Variants in TRIO observed in about 807,000 individuals in gnomAD.
TRIO encodes the protein triple functional domain protein.
Under a neutral mutation model 351.9 loss-of-function variants are expected in TRIO, and 58 were observed. The ratio of observed to expected loss-of-function variants is 0.16; its 90% CI spans 0.13 to 0.21. The LOEUF is 0.21. Among genes scored for constraint, TRIO ranks in the 10% least tolerant of loss-of-function variants. The pLI is 1.00. For missense variants in TRIO, 3,201 were observed against 4,027.8 expected (o/e 0.79, Z 5.56); for synonymous variants, 1,758 against 1,595.7 (o/e 1.10, Z -2.42).
At chr5:14,452,792 A>G (rs1380031132) in intron 34 of TRIO, among the ~76,000 whole-genome samples, 1 of 152,216 alleles carries the variant, frequency 6.6e-6, no homozygotes, top group Admixed American at 6.5e-5. Context: ...AGTCTTTAAG[A>G]CTTTTTTACC....
intron 20 of TRIO, 128 bp downstream of exon 20, chr5:14,378,255 C>G: frequency 1.6e-6 from 1 of 628,470 alleles, no homozygotes; most frequent in African/African-American, 1.8e-5. Flanking sequence ...GTATAGCCTT[C>G]TAGTTAAGTT....
At chr5:14,341,856 T>A (rs187342205) in intron 11 of TRIO, among the ~76,000 whole-genome samples, 37 of 152,372 alleles carry the variant, frequency 2.4e-4, no homozygotes, top group African/African-American at 8.2e-4. Flanking sequence ...CTGTGATTCT[T>A]GCTGCGTTTA....
chr5:14,275,866 G>GTATA (rs56388390), intron 2 of TRIO, among the ~76,000 whole-genome samples: 37,948 of 143,702 alleles, frequency 0.26, 5,665 homozygotes, highest in East Asian at 0.48. Context: ...CTCTATGTGT[G>GTATA]TATATATATA....
intron 13 of TRIO, among the ~76,000 whole-genome samples, chr5:14,360,836 A>G (rs1473904408): frequency 1.3e-5 from 2 of 152,244 alleles, no homozygotes; most frequent in African/African-American, 2.4e-5. Context: ...GGCTCTGCTC[A>G]TTCTCATCAT....
In TRIO at chr5:14,508,476, T is replaced by G; in HGVS notation, c.*54T>G. ...TTCACCTGCCAATCAGCTGTTAATC[T>G]GAATTTTCAAGAGAAAACAAGCAAA... On this transcript the variant is annotated 3_prime_UTR_variant, in exon 57 of 57. Coordinates refer to ENST00000344204, the MANE Select transcript of TRIO (RefSeq NM_007118.4). The G allele has an allele frequency of 1.3e-6, 2 of 1,529,758 alleles. No individual in the cohort carries two copies. Among genetic ancestry groups the G allele is most frequent in the African/African-American group, 1.4e-5 (1 of 72,122 alleles). The allele number at this position is 1,529,758 out of a possible 1,614,324, so 94.8% of individuals were successfully genotyped here. A position where few individuals can be genotyped will look rare whatever the true frequency, so the allele number is the denominator to read the frequency against.
intron 1 of TRIO, among the ~76,000 whole-genome samples, chr5:14,219,496 C>G (rs1272356730): frequency 1.3e-5 from 2 of 152,242 alleles, no homozygotes; most frequent in East Asian, 1.9e-4. Flanking sequence ...ATGGCTCTAT[C>G]AAAGCCTTAG....
chr5:14,374,675 T>A (rs893435484), intron 19 of TRIO, among the ~76,000 whole-genome samples: 6 of 152,164 alleles, frequency 3.9e-5, no homozygotes, highest in African/African-American at 1.4e-4. Context: ...AAACCAGAGT[T>A]ATCTATAGGC....
chr5:14,380,909 T>C (rs1193900686), intron 20 of TRIO, among the ~76,000 whole-genome samples: 1 of 152,256 alleles, frequency 6.6e-6, no homozygotes, highest in Non-Finnish European at 1.5e-5. Flanking sequence ...TGTTGCGACA[T>C]AAGTGATACT....
At chr5:14,424,160 G>T (rs1481359180) in intron 34 of TRIO, among the ~76,000 whole-genome samples, 1 of 152,078 alleles carries the variant, frequency 6.6e-6, no homozygotes, top group Non-Finnish European at 1.5e-5. Flanking sequence ...GGCCTGAGAT[G>T]GGGCGGGCGC....
chr5:14,326,579 T>C (rs1375601775), intron 9 of TRIO, among the ~76,000 whole-genome samples: 2 of 152,008 alleles, frequency 1.3e-5, no homozygotes, highest in South Asian at 4.2e-4. Context: ...AGAGTAGCCG[T>C]GGGAAGGGAT....
At chr5:14,298,146 CTGACTTTGGCTTCATTTGT>C (rs1339809251) in intron 7 of TRIO, among the ~76,000 whole-genome samples, 1 of 152,138 alleles carries the variant, frequency 6.6e-6, no homozygotes, top group Non-Finnish European at 1.5e-5. Flanking sequence ...TACATGGCAT[CTGACTTTGGCTTCATTTGT>C]TGACAGATGT....
intron 47 of TRIO, 35 bp from the exon 48 acceptor site, chr5:14,487,429 C>T: frequency 9.1e-7 from 1 of 1,098,856 alleles, no homozygotes; most frequent in Non-Finnish European, 1.1e-6. Flanking sequence ...TCCTTGGCGC[C>T]CTGACCCAGT....
rs115658843 is a variant in TRIO, at chr5:14,300,751, G to T, written c.1368+3488G>T. Among the ~76,000 whole-genome samples the T allele has an allele frequency of 3.2e-3, 482 of 152,282 alleles. 3 individuals are homozygous for T. The highest frequency in any genetic ancestry group is 6.8e-3 in the Middle Eastern group (2 of 294). ...GGATTTGGCCATGTTTCCCAAGCTA[G>T]AACTTTCGCTGAGGTCTATGGCTAG... On this transcript the variant is annotated intron_variant, in intron 7 of 56. Transcript: ENST00000344204.
At chr5:14,267,414 G>T (rs1430061675) in intron 1 of TRIO, among the ~76,000 whole-genome samples, 2 of 151,836 alleles carry the variant, frequency 1.3e-5, no homozygotes, top group African/African-American at 4.8e-5. Context: ...GTGCTTCCAG[G>T]GGGCGGCCAC....
At chr5:14,429,240 C>A (rs111625984) in intron 34 of TRIO, among the ~76,000 whole-genome samples, 1 of 152,182 alleles carries the variant, frequency 6.6e-6, no homozygotes. Context: ...TTTAGCAGCT[C>A]ATGGCTCTGA....
intron 1 of TRIO, among the ~76,000 whole-genome samples, chr5:14,220,761 G>A (rs539971046): frequency 2.0e-5 from 3 of 152,324 alleles, no homozygotes; most frequent in Admixed American, 6.5e-5. Context: ...TGAGGAAGCT[G>A]CAGAAGAAAA....
chr5:14,334,370 A>G (rs937435838), intron 10 of TRIO, among the ~76,000 whole-genome samples: 7 of 152,218 alleles, frequency 4.6e-5, no homozygotes, highest in Admixed American at 2.0e-4. Context: ...ATGTTCTTCA[A>G]GCACAAGATT....
At chr5:14,498,365 A>C in intron 52 of TRIO, 114 bp downstream of exon 52, 1 of 1,515,952 alleles carries the variant, frequency 6.6e-7, no homozygotes, top group Non-Finnish European at 8.9e-7. Flanking sequence ...TCGGCACTCC[A>C]CTTCTTCCGT....
intron 1 of TRIO, among the ~76,000 whole-genome samples, chr5:14,184,554 T>C (rs375118533): frequency 1.3e-5 from 2 of 152,374 alleles, no homozygotes; most frequent in East Asian, 1.9e-4. Context: ...CAGGACTTCA[T>C]TGCTATGGAC....
Sources: allele counts gnomAD v4.1 joint callset (sites outside exome capture counted in the v4.1 genomes callset), GRCh38; gene constraint gnomAD v4.1.1; transcripts MANE v1.5; gene names NCBI Gene and HGNC (gene_info 2026-07-23, HGNC 2026-07-21).